Variants in SLC2A9 observed in about 807,000 individuals in gnomAD.
SLC2A9 encodes solute carrier family 2 member 9, also known as solute carrier family 2, facilitated glucose transporter member 9.
In SLC2A9, 39 loss-of-function variants were observed where a neutral mutation model predicts 50.6. That is an observed-to-expected ratio of 0.77 (90% CI 0.60 to 1.01). The LOEUF (loss-of-function observed/expected upper bound fraction) is 1.01, where lower values mean the gene tolerates loss of function less well. SLC2A9 is among the 50% of genes least tolerant of loss of function. The pLI is 0.00. For synonymous variants in SLC2A9, 324 were observed against 276.9 expected (o/e 1.17, Z -1.69); for missense variants, 686 against 677.6 (o/e 1.01, Z -0.14).
chr4:9,892,610 T>C (rs1737710242), intron 8 of SLC2A9, among the ~76,000 whole-genome samples: 1 of 152,138 alleles, frequency 6.6e-6, no homozygotes, highest in Non-Finnish European at 1.5e-5. Context: ...ACCTGGAAAA[T>C]GAGAATGATA....
At chr4:9,777,297 CT>C (rs71649549), downstream of SLC2A9, among the ~76,000 whole-genome samples, 82,645 of 141,448 alleles carry the variant, frequency 0.58, 24,680 homozygotes, top group Non-Finnish European at 0.68. Context: ...GTCTCTGTTT[CT>C]TTTTTTTTTT....
intron 3 of SLC2A9, among the ~76,000 whole-genome samples, chr4:9,818,228 C>CCTT (rs74880630): frequency 0.19 from 29,182 of 151,900 alleles, 4,279 homozygotes; most frequent in African/African-American, 0.42. Context: ...ACCATTATGT[C>CCTT]CTCTTATTTC....
intron 1 of SLC2A9, among the ~76,000 whole-genome samples, chr4:9,774,310 TCAGTGTTTTGGAAAG>T (rs1467120679): frequency 6.6e-6 from 1 of 152,164 alleles, no homozygotes; most frequent in African/African-American, 2.4e-5. Context: ...GATGAGAAAC[TCAGTGTTTTGGAAAG>T]CAGGGAGAAT....
At chr4:9,799,692 A>ACCCACCCCCCCCCCCCC (rs59100769) in intron 3 of SLC2A9, among the ~76,000 whole-genome samples, 1 of 69,810 alleles carries the variant, frequency 1.4e-5, no homozygotes, top group African/African-American at 5.7e-5. Flanking sequence ...TTCCAATTGT[A>ACCCACCCCCCCCCCCCC]CCCCCCCCCC....
At chr4:9,842,041 T>G (rs1445080676) in intron 10 of SLC2A9, among the ~76,000 whole-genome samples, 2 of 152,196 alleles carry the variant, frequency 1.3e-5, no homozygotes, top group Non-Finnish European at 2.9e-5. Flanking sequence ...TGGCTGCTAG[T>G]TTTCTAGGTA....
intron 5 of SLC2A9, among the ~76,000 whole-genome samples, chr4:9,962,566 G>A (rs564481674): frequency 3.9e-5 from 6 of 152,018 alleles, no homozygotes; most frequent in Non-Finnish European, 8.8e-5. Context: ...GGGGCCTATC[G>A]GGGGACCTGG....
At chr4:9,816,929 T>C (rs1422086384) in intron 3 of SLC2A9, among the ~76,000 whole-genome samples, 3 of 152,228 alleles carry the variant, frequency 2.0e-5, no homozygotes, top group African/African-American at 4.8e-5. Context: ...AAAGTGTTCA[T>C]AGAGACGCAA....
intron 10 of SLC2A9, among the ~76,000 whole-genome samples, chr4:9,848,355 T>TAAAA (rs10716180): frequency 2.2e-5 from 3 of 139,100 alleles, no homozygotes; most frequent in Non-Finnish European, 3.2e-5. Context: ...ATGTGTTTTC[T>TAAAA]AAAAAAAAAA....
intron 3 of SLC2A9, among the ~76,000 whole-genome samples, chr4:9,819,333 G>A (rs1022741806): frequency 1.3e-5 from 2 of 152,094 alleles, no homozygotes; most frequent in African/African-American, 4.8e-5. Context: ...CCAAATTCTT[G>A]CCAACACTTG....
intron 10 of SLC2A9, chr4:9,879,552 A>G: frequency 4.1e-6 from 4 of 985,310 alleles, no homozygotes; most frequent in Non-Finnish European, 4.8e-6. Context: ...GTCTTTCCAG[A>G]GGGGTCCTTT....
intron 8 of SLC2A9, among the ~76,000 whole-genome samples, chr4:9,896,222 T>C (rs1738536664): frequency 6.6e-6 from 1 of 152,250 alleles, no homozygotes; most frequent in Non-Finnish European, 1.5e-5. Context: ...CCACCAGCAG[T>C]GGATGAGCCT....
At chr4:9,989,740 C>T (rs912915220) in intron 3 of SLC2A9, among the ~76,000 whole-genome samples, 2 of 152,076 alleles carry the variant, frequency 1.3e-5, no homozygotes, top group African/African-American at 4.8e-5. Flanking sequence ...TCTCAACCCT[C>T]GCCTGCAAAG....
intron 2 of SLC2A9, among the ~76,000 whole-genome samples, chr4:10,011,118 CT>C (rs1419410845): frequency 6.6e-6 from 1 of 152,174 alleles, no homozygotes; most frequent in Non-Finnish European, 1.5e-5. Context: ...CCCTTTTGGA[CT>C]GAAGTCTGGG....
At chr4:9,964,603 A>G (rs1311337087) in intron 5 of SLC2A9, among the ~76,000 whole-genome samples, 1 of 152,196 alleles carries the variant, frequency 6.6e-6, no homozygotes, top group Non-Finnish European at 1.5e-5. Flanking sequence ...GGGGCTTAAA[A>G]TCACTTTAAA....
chr4:9,779,066 G>T (rs184189238), downstream of SLC2A9, among the ~76,000 whole-genome samples: 1 of 152,074 alleles, frequency 6.6e-6, no homozygotes, highest in Admixed American at 6.5e-5. Context: ...ACACCTGGCT[G>T]GTCTCATCAC....
intron 1 of SLC2A9, among the ~76,000 whole-genome samples, chr4:10,026,855 C>A (rs1267919201): frequency 6.6e-6 from 1 of 152,082 alleles, no homozygotes; most frequent in African/African-American, 2.4e-5. Context: ...ACCAGCCTGG[C>A]CAACATGGTG....
At chr4:9,987,037 T>A (rs534714161) in intron 3 of SLC2A9, among the ~76,000 whole-genome samples, 2 of 152,346 alleles carry the variant, frequency 1.3e-5, no homozygotes, top group South Asian at 4.1e-4. Context: ...ATCCTCAGAA[T>A]GACCCAAAGA....
chr4:9,904,996 T>C (rs1156746812), intron 8 of SLC2A9, among the ~76,000 whole-genome samples: 1 of 152,204 alleles, frequency 6.6e-6, no homozygotes, highest in African/African-American at 2.4e-5. Flanking sequence ...AGGTTCCTGG[T>C]CCCTGTCTCC....
chr4:9,919,277 G>A lies in SLC2A9; in HGVS notation c.1002+1108C>T, dbSNP rs1359099335. Reference sequence around the variant, plus strand: ...TGTAGGTACAGCCACTGACCCAGGCGCCTGCTCAATCTGCTGACTTTAACC... The same window carrying A: ...TGTAGGTACAGCCACTGACCCAGGCACCTGCTCAATCTGCTGACTTTAACC... On this transcript the variant is annotated intron_variant, in intron 7 of 11. Transcript: ENST00000264784. Among the ~76,000 whole-genome samples the A allele has an allele frequency of 5.3e-5, 8 of 152,152 alleles. No individual in the cohort carries two copies. In the South Asian group the frequency reaches 8.3e-4, roughly 16 times the overall value.
Sources: allele counts gnomAD v4.1 joint callset (sites outside exome capture counted in the v4.1 genomes callset), GRCh38; gene constraint gnomAD v4.1.1; transcripts MANE v1.5; gene names NCBI Gene and HGNC (gene_info 2026-07-23, HGNC 2026-07-21).